Variants in CTNNA3 observed in about 807,000 individuals in gnomAD.
The protein encoded by CTNNA3 is catenin alpha 3, also known as catenin alpha-3.
A neutral mutation model predicts 95.7 loss-of-function variants in CTNNA3; 76 were observed. The observed-to-expected ratio is 0.79, with a 90% CI of 0.66 to 0.96. CTNNA3 has a LOEUF of 0.96. Among genes scored for constraint, CTNNA3 ranks in the 40% least tolerant of loss-of-function variants. The probability of loss-of-function intolerance (pLI) is 0.00; values close to 1 mark genes in which losing one functional copy is unlikely to be tolerated. For missense variants in CTNNA3, 1,191 were observed against 1,089.8 expected (o/e 1.09, Z -1.31); for synonymous variants, 431 against 374.4 (o/e 1.15, Z -1.74).
At chr10:67,611,481 T>TTA (rs1258756524) in intron 2 of CTNNA3, among the ~76,000 whole-genome samples, 6 of 140,802 alleles carry the variant, frequency 4.3e-5, no homozygotes, top group Non-Finnish European at 9.6e-5. Flanking sequence ...GCCTGGCTAA[T>TTA]TTTTTTTGTA....
intron 5 of CTNNA3, among the ~76,000 whole-genome samples, chr10:67,236,942 G>A (rs1437656592): frequency 6.6e-6 from 1 of 150,780 alleles, no homozygotes; most frequent in Non-Finnish European, 1.5e-5. Context: ...AAGAGCTAAA[G>A]GTAGAACTAC....
At chr10:66,717,740 C>A (rs575188586) in intron 9 of CTNNA3, among the ~76,000 whole-genome samples, 2 of 152,108 alleles carry the variant, frequency 1.3e-5, no homozygotes, top group African/African-American at 4.8e-5. Flanking sequence ...TCTCTCACAG[C>A]GACTTTGATA....
rs74889263 is a variant in CTNNA3, at chr10:67,503,693, G to T, written c.579+18149C>A. ...ACAAAAAAGACCTTTAAAATGTAGG[G>T]TGATAACATCTATTCCATATATGCC... On this transcript the variant is annotated intron_variant, in intron 5 of 17. Transcript: ENST00000433211. 4.7e-3 allele frequency among the ~76,000 whole-genome samples: 710 copies of T among 152,180 alleles called. 8 individuals are homozygous for T. The highest frequency in any genetic ancestry group is 0.016 in the African/African-American group (680 of 41,518).
chr10:66,130,928 C>A (rs1265939958), intron 13 of CTNNA3, among the ~76,000 whole-genome samples: 1 of 150,484 alleles, frequency 6.6e-6, no homozygotes, highest in Non-Finnish European at 1.5e-5. Flanking sequence ...CAACTCTATG[C>A]AAACAAACTA....
At chr10:66,291,089 G>A (rs1438234221) in intron 12 of CTNNA3, among the ~76,000 whole-genome samples, 1 of 152,074 alleles carries the variant, frequency 6.6e-6, no homozygotes, top group Non-Finnish European at 1.5e-5. Context: ...CTAAGTACCA[G>A]TTATTTTGCT....
chr10:67,689,745 T>A (rs1231044548), intron 1 of CTNNA3, among the ~76,000 whole-genome samples: 1 of 152,090 alleles, frequency 6.6e-6, no homozygotes, highest in African/African-American at 2.4e-5. Context: ...CAAACCAACA[T>A]TCCCAACTCC....
intron 13 of CTNNA3, among the ~76,000 whole-genome samples, chr10:66,244,200 T>C (rs1042586123): frequency 1.3e-5 from 2 of 152,190 alleles, no homozygotes; most frequent in Non-Finnish European, 2.9e-5. Context: ...GGAAGGACTT[T>C]GTCTTGTGGT....
intron 7 of CTNNA3, among the ~76,000 whole-genome samples, chr10:66,900,020 C>T (rs962110025): frequency 1.3e-5 from 2 of 152,128 alleles, no homozygotes; most frequent in South Asian, 2.1e-4. Context: ...AGTGTTTGAG[C>T]TCTGAGAACA....
At chr10:67,198,120 T>C (rs549997675) in intron 6 of CTNNA3, among the ~76,000 whole-genome samples, 4 of 152,308 alleles carry the variant, frequency 2.6e-5, no homozygotes, top group African/African-American at 7.2e-5. Flanking sequence ...TAATTTTAAA[T>C]TGAAAAGCCA....
At chr10:66,254,351 T>C (rs2090676270) in intron 13 of CTNNA3, among the ~76,000 whole-genome samples, 1 of 152,168 alleles carries the variant, frequency 6.6e-6, no homozygotes, top group Non-Finnish European at 1.5e-5. Flanking sequence ...GTATGCATAT[T>C]GAAACTCATT....
intron 13 of CTNNA3, among the ~76,000 whole-genome samples, chr10:66,112,754 T>C (rs2082165616): frequency 1.3e-5 from 2 of 152,126 alleles, no homozygotes; most frequent in South Asian, 4.1e-4. Context: ...TTACTTCACT[T>C]AGAATAATGT....
At chr10:66,972,107 T>G (rs1005872396) in intron 7 of CTNNA3, among the ~76,000 whole-genome samples, 2 of 152,186 alleles carry the variant, frequency 1.3e-5, no homozygotes, top group Admixed American at 1.3e-4. Context: ...AGTGTTGCCA[T>G]AGCACACCTA....
intron 10 of CTNNA3, among the ~76,000 whole-genome samples, chr10:66,597,566 T>A (rs1206625973): frequency 2.2e-5 from 3 of 134,288 alleles, no homozygotes; most frequent in Admixed American, 7.6e-5. Flanking sequence ...TTATTAAAAA[T>A]TTTAAAAATA....
chr10:66,804,266 G>C (rs1369941402), intron 7 of CTNNA3, among the ~76,000 whole-genome samples: 3 of 151,992 alleles, frequency 2.0e-5, no homozygotes, highest in Admixed American at 1.3e-4. Context: ...AGTTAGTCTA[G>C]GTTTTATATA....
chr10:66,926,229 T>C, intron 7 of CTNNA3: 1 of 453,354 alleles, frequency 2.2e-6, no homozygotes, highest in South Asian at 1.8e-5. Context: ...GAATACATCA[T>C]GTTTTTCGAT....
intron 11 of CTNNA3, among the ~76,000 whole-genome samples, chr10:66,441,818 T>C (rs2093377243): frequency 6.6e-6 from 1 of 152,200 alleles, no homozygotes; most frequent in South Asian, 2.1e-4. Flanking sequence ...TTCACAGCTG[T>C]GTATTTGCCA....
chr10:66,153,667 A>G (rs2133911564), intron 13 of CTNNA3, among the ~76,000 whole-genome samples: 1 of 151,974 alleles, frequency 6.6e-6, no homozygotes, highest in Non-Finnish European at 1.5e-5. Flanking sequence ...CAGTTATCCC[A>G]GGCTCATTCC....
At chr10:66,966,627 C>A (rs369156687) in intron 7 of CTNNA3, among the ~76,000 whole-genome samples, 1 of 151,886 alleles carries the variant, frequency 6.6e-6, no homozygotes, top group East Asian at 1.9e-4. Context: ...ACCTAATTTA[C>A]GGCGAGGGGG....
At chr10:66,865,618 A>G (rs1366457103) in intron 7 of CTNNA3, among the ~76,000 whole-genome samples, 1 of 152,156 alleles carries the variant, frequency 6.6e-6, no homozygotes, top group Non-Finnish European at 1.5e-5. Flanking sequence ...ATGCAATTAT[A>G]TTATATAAAA....
Sources: gnomAD v4.1 joint callset for allele counts (sites outside exome capture counted in the v4.1 genomes callset) on GRCh38, gnomAD v4.1.1 for gene constraint, MANE v1.5 for transcripts, NCBI Gene and HGNC (gene_info 2026-07-23, HGNC 2026-07-21) for gene names.